PAQR5: variants seen among roughly 807,000 people sequenced by gnomAD.
The protein encoded by PAQR5 is progestin and adipoQ receptor family member 5, also known as membrane progestin receptor gamma.
PAQR5 carries 20 observed loss-of-function variants against 34.5 expected under a neutral mutation model. The ratio of observed to expected loss-of-function variants is 0.58; its 90% CI spans 0.41 to 0.84. The LOEUF (loss-of-function observed/expected upper bound fraction) is 0.84. Among genes scored for constraint, PAQR5 ranks in the 40% least tolerant of loss-of-function variants. PAQR5 has a pLI of 0.00. For missense variants in PAQR5, 378 were observed against 412.7 expected (o/e 0.92, Z 0.73); for synonymous variants, 131 against 155.6 (o/e 0.84, Z 1.18).
intron 1 of PAQR5, among the ~76,000 whole-genome samples, chr15:69,336,113 T>C (rs374335224): frequency 1.1e-4 from 16 of 152,354 alleles, no homozygotes; most frequent in African/African-American, 3.6e-4. Flanking sequence ...AAGCTAAGTC[T>C]CCTCTATCAG....
chr15:69,345,621 T>A (rs541786998), intron 2 of PAQR5, among the ~76,000 whole-genome samples: 41 of 152,332 alleles, frequency 2.7e-4, no homozygotes, highest in African/African-American at 9.9e-4. Context: ...TTTTCTTTTT[T>A]AAGGCTATTT....
chr15:69,322,787 C>T (rs12591054), intron 1 of PAQR5, among the ~76,000 whole-genome samples: 21,278 of 36,450 alleles, frequency 0.58, 8,188 homozygotes, highest in South Asian at 0.7. Context: ...AAGAAGAAGA[C>T]GAGGAAGAAG....
intron 2 of PAQR5, among the ~76,000 whole-genome samples, chr15:69,355,186 G>T (rs1056325179): frequency 2.0e-5 from 3 of 149,376 alleles, no homozygotes; most frequent in Non-Finnish European, 4.4e-5. Context: ...TCTCTCTCTC[G>T]CTATCTGTTT....
At chr15:69,315,234 C>A (rs987739800) in intron 1 of PAQR5, among the ~76,000 whole-genome samples, 52 of 152,264 alleles carry the variant, frequency 3.4e-4, no homozygotes, top group African/African-American at 1.2e-3. Context: ...TTCCACTCCG[C>A]CCCTTCTGCT....
At chr15:69,338,409 G>A (rs1001455358) in intron 2 of PAQR5, among the ~76,000 whole-genome samples, 2 of 152,144 alleles carry the variant, frequency 1.3e-5, no homozygotes, top group Non-Finnish European at 2.9e-5. Flanking sequence ...TGTAGAACTC[G>A]TAATGTACCT....
intron 6 of PAQR5, chr15:69,391,197 G>A (rs1567039072): frequency 6.5e-6 from 1 of 153,470 alleles, no homozygotes; most frequent in African/African-American, 2.4e-5. Context: ...GCCCCATCTG[G>A]TAACTTCTCC....
intron 1 of PAQR5, among the ~76,000 whole-genome samples, chr15:69,325,025 A>C (rs2054215211): frequency 6.6e-6 from 1 of 151,806 alleles, no homozygotes; most frequent in Non-Finnish European, 1.5e-5. Flanking sequence ...CAGCCTCCCA[A>C]ATAGCTGGGA....
At chr15:69,301,223 C>G (rs1385427092) in intron 1 of PAQR5, among the ~76,000 whole-genome samples, 1 of 151,938 alleles carries the variant, frequency 6.6e-6, no homozygotes, top group Non-Finnish European at 1.5e-5. Context: ...AGGTTGGTCT[C>G]GAACTGCTAA....
At chr15:69,313,738 C>T (rs2053879957) in intron 1 of PAQR5, among the ~76,000 whole-genome samples, 1 of 152,036 alleles carries the variant, frequency 6.6e-6, no homozygotes, top group Non-Finnish European at 1.5e-5. Context: ...TTCAGGGTGG[C>T]CAGTGGATGG....
chr15:69,394,729 G>A (rs1297998844), intron 6 of PAQR5, among the ~76,000 whole-genome samples: 1 of 152,198 alleles, frequency 6.6e-6, no homozygotes, highest in Admixed American at 6.5e-5. Flanking sequence ...CTGTGGGGCC[G>A]CACGTGGGGC....
intron 3 of PAQR5, among the ~76,000 whole-genome samples, chr15:69,361,553 C>T (rs1215307577): frequency 6.6e-6 from 1 of 152,132 alleles, no homozygotes; most frequent in African/African-American, 2.4e-5. Flanking sequence ...TTCCTCATGG[C>T]TGTGGAGGCC....
chr15:69,379,779 C>G (rs915542912), intron 3 of PAQR5, 104 bp from the exon 4 acceptor site: 1 of 1,420,198 alleles, frequency 7.0e-7, no homozygotes, highest in Non-Finnish European at 9.5e-7. Flanking sequence ...GACTTGGGGT[C>G]AAGCGTTCCA....
At chr15:69,397,777 T>C (rs752744309) in intron 7 of PAQR5, 7 of 594,572 alleles carry the variant, frequency 1.2e-5, no homozygotes, top group Non-Finnish European at 1.8e-5. Flanking sequence ...AGATTTTTCT[T>C]AGTACAGATC....
chr15:69,320,734 C>T (rs1415911791), intron 1 of PAQR5, among the ~76,000 whole-genome samples: 1 of 152,104 alleles, frequency 6.6e-6, no homozygotes, highest in Non-Finnish European at 1.5e-5. Flanking sequence ...ACATTAAAAC[C>T]TATCCACCTC....
intron 8 of PAQR5, among the ~76,000 whole-genome samples, chr15:69,400,797 T>G (rs932631282): frequency 6.6e-6 from 1 of 152,102 alleles, no homozygotes; most frequent in Non-Finnish European, 1.5e-5. Flanking sequence ...GAAAGCATCT[T>G]TCTTTGTCTT....
chr15:69,366,999 G>C (rs556625302), intron 3 of PAQR5, among the ~76,000 whole-genome samples: 29 of 151,908 alleles, frequency 1.9e-4, no homozygotes, highest in Admixed American at 9.2e-4. Context: ...AACTACTCTA[G>C]CTTTTGTTAT....
At chr15:69,311,299 G>A (rs1273956338) in intron 1 of PAQR5, among the ~76,000 whole-genome samples, 3 of 152,066 alleles carry the variant, frequency 2.0e-5, no homozygotes, top group Non-Finnish European at 2.9e-5. Flanking sequence ...TAGGGAAGGG[G>A]CTGTGTTCAC....
chr15:69,301,109 T>G lies in PAQR5; in HGVS notation c.-277+2053T>G, dbSNP rs1024354829. 2.0e-5 allele frequency among the ~76,000 whole-genome samples: 3 copies of G among 151,196 alleles called. No individual in the cohort carries two copies. In the Admixed American group the frequency reaches 2.0e-4, roughly 10 times the overall value. ...ACCTCCGCCTCCCGGGTTCAAGCAA[T>G]TCTCTTGCCTCAGCCTCCCGAGTAG... On this transcript the variant is annotated intron_variant, in intron 1 of 8. Transcript: ENST00000395407.
chr15:69,400,784 G>A (rs1472012051), intron 8 of PAQR5, among the ~76,000 whole-genome samples: 1 of 152,144 alleles, frequency 6.6e-6, no homozygotes, highest in Non-Finnish European at 1.5e-5. Flanking sequence ...AGGGAAAAGG[G>A]GAGAAAGCAT....
Sources: allele counts gnomAD v4.1 joint callset (sites outside exome capture counted in the v4.1 genomes callset), GRCh38; gene constraint gnomAD v4.1.1; transcripts MANE v1.5; gene names NCBI Gene and HGNC (gene_info 2026-07-23, HGNC 2026-07-21).